Variants in SCAMP1 observed in about 807,000 individuals in gnomAD.
The protein encoded by SCAMP1 is secretory carrier membrane protein 1.
SCAMP1 carries 15 observed loss-of-function variants against 41.8 expected under a neutral mutation model. The ratio of observed to expected loss-of-function variants is 0.36; its 90% CI spans 0.24 to 0.55. The LOEUF is 0.55. SCAMP1 is among the 20% of genes least tolerant of loss of function. SCAMP1 has a pLI of 0.86. For synonymous variants in SCAMP1, 135 were observed against 136.8 expected (o/e 0.99, Z 0.09); for missense variants, 341 against 412.6 (o/e 0.83, Z 1.50).
intron 5 of SCAMP1, among the ~76,000 whole-genome samples, chr5:78,419,319 A>C (rs1043528466): frequency 6.6e-6 from 1 of 152,230 alleles, no homozygotes; most frequent in Non-Finnish European, 1.5e-5. Context: ...AAAGGGCATA[A>C]AATTATTACA....
chr5:78,464,874 G>C (rs1261494684), intron 8 of SCAMP1, among the ~76,000 whole-genome samples: 1 of 152,116 alleles, frequency 6.6e-6, no homozygotes, highest in Non-Finnish European at 1.5e-5. Context: ...TGGGAAGAAG[G>C]GCTAATGGTG....
At chr5:78,412,379 TTTTG>T (rs955076637) in intron 2 of SCAMP1, among the ~76,000 whole-genome samples, 6 of 151,902 alleles carry the variant, frequency 3.9e-5, no homozygotes, top group African/African-American at 9.7e-5. Flanking sequence ...TTTTGTCTTG[TTTTG>T]TTTTTTTTTT....
chr5:78,455,381 G>T (rs1753364035), intron 7 of SCAMP1, among the ~76,000 whole-genome samples: 1 of 126,294 alleles, frequency 7.9e-6, no homozygotes, highest in Admixed American at 7.5e-5. Flanking sequence ...CTGGTATGCT[G>T]TGTCTTTGTT....
intron 1 of SCAMP1, among the ~76,000 whole-genome samples, chr5:78,364,762 G>A (rs1252675293): frequency 6.6e-6 from 1 of 151,840 alleles, no homozygotes; most frequent in Non-Finnish European, 1.5e-5. Flanking sequence ...TGAGACCTTG[G>A]AAAGTTACTT....
chr5:78,395,113 G>A (rs576319147), intron 2 of SCAMP1, among the ~76,000 whole-genome samples: 1 of 152,290 alleles, frequency 6.6e-6, no homozygotes, highest in South Asian at 2.1e-4. Flanking sequence ...CTACTCAGTA[G>A]TTTGGCATGT....
intron 7 of SCAMP1, among the ~76,000 whole-genome samples, chr5:78,453,086 C>G (rs1200768353): frequency 1.3e-5 from 2 of 149,420 alleles, no homozygotes; most frequent in Non-Finnish European, 3.0e-5. Flanking sequence ...TGGATATTAG[C>G]CCTTTGTCAG....
chr5:78,425,239 G>C (rs186460903), intron 6 of SCAMP1, among the ~76,000 whole-genome samples: 2 of 152,104 alleles, frequency 1.3e-5, no homozygotes, highest in Admixed American at 1.3e-4. Context: ...TAATTATGAT[G>C]TATTTAATGC....
At chr5:78,466,131 T>C (rs1449673616) in intron 8 of SCAMP1, among the ~76,000 whole-genome samples, 1 of 152,234 alleles carries the variant, frequency 6.6e-6, no homozygotes, top group Non-Finnish European at 1.5e-5. Context: ...GAAGTAGAAA[T>C]GTAATACATT....
intron 2 of SCAMP1, among the ~76,000 whole-genome samples, chr5:78,396,889 T>C (rs2112101624): frequency 6.6e-6 from 1 of 152,334 alleles, no homozygotes; most frequent in Middle Eastern, 3.4e-3. Flanking sequence ...GTAGAAGTCA[T>C]TAGCTATCTT....
At chr5:78,394,456 C>G (rs902965995) in intron 2 of SCAMP1, among the ~76,000 whole-genome samples, 2 of 152,066 alleles carry the variant, frequency 1.3e-5, no homozygotes, top group African/African-American at 4.8e-5. Flanking sequence ...CTCCTGGACT[C>G]AAGAGATCCT....
chr5:78,371,976 A>G (rs1365791856), intron 1 of SCAMP1, among the ~76,000 whole-genome samples: 3 of 152,194 alleles, frequency 2.0e-5, no homozygotes, highest in Non-Finnish European at 4.4e-5. Flanking sequence ...CTTGATTGAT[A>G]GTAGAAGAAA....
intron 2 of SCAMP1, among the ~76,000 whole-genome samples, chr5:78,399,994 T>TG (rs1456766951): frequency 6.6e-6 from 1 of 152,138 alleles, no homozygotes; most frequent in African/African-American, 2.4e-5. Context: ...TTTGCTGTGT[T>TG]GCTCAGGCTG....
intron 6 of SCAMP1, among the ~76,000 whole-genome samples, chr5:78,441,399 G>T (rs1381985475): frequency 6.6e-6 from 1 of 152,198 alleles, no homozygotes; most frequent in African/African-American, 2.4e-5. Flanking sequence ...CTTTATTGAA[G>T]AGTTTAGGGG....
At chr5:78,454,706 T>C in intron 7 of SCAMP1, among the ~76,000 whole-genome samples, 1 of 152,228 alleles carries the variant, frequency 6.6e-6, no homozygotes, top group Non-Finnish European at 1.5e-5. Context: ...ATAAAATGAC[T>C]TAGGGAGGAT....
At chr5:78,376,734 G>A (rs367862344) in intron 1 of SCAMP1, among the ~76,000 whole-genome samples, 33 of 152,282 alleles carry the variant, frequency 2.2e-4, no homozygotes, top group African/African-American at 7.2e-4. Context: ...GCATGGGGTC[G>A]GAGGATAGGG....
chr5:78,433,127 T>G (rs995263259), intron 6 of SCAMP1, among the ~76,000 whole-genome samples: 2 of 152,182 alleles, frequency 1.3e-5, no homozygotes, highest in Admixed American at 1.3e-4. Context: ...CATCTCCTCA[T>G]GCATGTTGGC....
At chr5:78,420,278 A>G (rs1195521537) in intron 5 of SCAMP1, among the ~76,000 whole-genome samples, 1 of 152,212 alleles carries the variant, frequency 6.6e-6, no homozygotes, top group Non-Finnish European at 1.5e-5. Flanking sequence ...AAGTGTAATT[A>G]TACATATATT....
rs1432979225 is a variant in SCAMP1 at position 78,477,812 on chromosome 5, T to TTTA, written c.*2145_*2146insTAT. 6.6e-6 allele frequency: 1 copy of TTTA among 152,160 alleles called. No homozygotes were observed. The highest frequency in any genetic ancestry group is 2.4e-5 in the African/African-American group (1 of 41,460). 9.4% of individuals were successfully genotyped at this position (152,160 alleles called of 1,614,324 possible). A position where few individuals can be genotyped will look rare whatever the true frequency, so the allele number is the denominator to read the frequency against. ...ATGTGCATTGAAATGATGGCAATGC[T>TTTA]TATAGTATGATCAAGTATGAAAGGA... On this transcript the variant is annotated 3_prime_UTR_variant, in exon 9 of 9. Transcript: ENST00000621999.
At chr5:78,372,946 A>G (rs1750976429) in intron 1 of SCAMP1, among the ~76,000 whole-genome samples, 1 of 152,118 alleles carries the variant, frequency 6.6e-6, no homozygotes, top group African/African-American at 2.4e-5. Flanking sequence ...TCTGATTCAA[A>G]AGGAAAACTC....
Sources: gnomAD v4.1 joint callset for allele counts (sites outside exome capture counted in the v4.1 genomes callset) on GRCh38, gnomAD v4.1.1 for gene constraint, MANE v1.5 for transcripts, NCBI Gene and HGNC (gene_info 2026-07-23, HGNC 2026-07-21) for gene names.